The following PDE10A variants were observed in gnomAD, a reference collection of about 807,000 sequenced individuals.
PDE10A encodes phosphodiesterase 10A.
Under a neutral mutation model 97.7 loss-of-function variants are expected in PDE10A, and 39 were observed. The observed-to-expected ratio is 0.40, with a 90% confidence interval of 0.31 to 0.52. The LOEUF (loss-of-function observed/expected upper bound fraction) is 0.52, where lower values mean the gene tolerates loss of function less well. Among genes scored for constraint, PDE10A ranks in the 20% least tolerant of loss-of-function variants. PDE10A has a pLI of 0.56. For missense variants in PDE10A, 731 were observed against 1,047.8 expected (o/e 0.70, Z 4.17); for synonymous variants, 371 against 376.8 (o/e 0.98, Z 0.18).
intron 1 of PDE10A, among the ~76,000 whole-genome samples, chr6:165,641,300 A>G (rs776761331): frequency 6.6e-6 from 1 of 152,264 alleles, no homozygotes; most frequent in Non-Finnish European, 1.5e-5. Flanking sequence ...TTAACTAATT[A>G]TAGCAGCAAA....
chr6:165,847,867 T>C (rs1210611192), intron 1 of PDE10A, among the ~76,000 whole-genome samples: 1 of 152,260 alleles, frequency 6.6e-6, no homozygotes, highest in African/African-American at 2.4e-5. Flanking sequence ...TGAACCTAAA[T>C]GCTGCTTTCA....
At chr6:165,830,299 C>CGCTT (rs1779874490) in intron 1 of PDE10A, among the ~76,000 whole-genome samples, 1 of 152,236 alleles carries the variant, frequency 6.6e-6, no homozygotes. Flanking sequence ...TACCACCCAC[C>CGCTT]GCTTTCCTTT....
chr6:165,797,594 A>G (rs1429061981), intron 1 of PDE10A, among the ~76,000 whole-genome samples: 2 of 152,204 alleles, frequency 1.3e-5, no homozygotes, highest in Non-Finnish European at 2.9e-5. Context: ...TATTGTCTCA[A>G]GAGTATTTGT....
chr6:165,668,805 A>AGGAG (rs1379197899), intron 1 of PDE10A, among the ~76,000 whole-genome samples: 10 of 26,532 alleles, frequency 3.8e-4, no homozygotes, highest in African/African-American at 5.8e-4. Flanking sequence ...GGGGAAGGAA[A>AGGAG]GGAGGGAGGG....
intron 1 of PDE10A, among the ~76,000 whole-genome samples, chr6:165,585,152 T>C (rs1359471051): frequency 2.0e-5 from 3 of 152,178 alleles, no homozygotes; most frequent in Admixed American, 6.5e-5. Context: ...CCAGGAACTT[T>C]TGCATCCTCT....
intron 1 of PDE10A, among the ~76,000 whole-genome samples, chr6:165,929,111 C>T (rs991669985): frequency 6.6e-6 from 1 of 152,150 alleles, no homozygotes; most frequent in Non-Finnish European, 1.5e-5. Flanking sequence ...AAACTCATGG[C>T]CAGGCACACA....
intron 10 of PDE10A, among the ~76,000 whole-genome samples, chr6:165,420,589 G>A (rs1157924773): frequency 1.3e-5 from 2 of 152,144 alleles, no homozygotes; most frequent in Admixed American, 1.3e-4. Context: ...ATCTGTATCT[G>A]CAGTGTTTGA....
At position 165,479,116 on chromosome 6, in the gene PDE10A, C is replaced by G. The variant is rs149467033; in HGVS notation, c.1023+3199G>C. 7.9e-5 allele frequency among the ~76,000 whole-genome samples: 12 copies of G among 152,280 alleles called. No individual in the cohort carries two copies. In the East Asian group the frequency reaches 2.3e-3, roughly 29 times the overall value. On this transcript the variant is annotated intron_variant, in intron 3 of 21. Coordinates refer to ENST00000539869, the MANE Select transcript of PDE10A (RefSeq NM_001385079.1). ...TTGTCAAAATCAGCTTCTAAGTAGA[C>G]TGTAACAGGTCTTGGATACTTTTTG... is the stretch of plus-strand genomic sequence containing the variant.
chr6:165,652,229 G>A (rs1401068816), intron 1 of PDE10A, among the ~76,000 whole-genome samples: 1 of 152,126 alleles, frequency 6.6e-6, no homozygotes, highest in Non-Finnish European at 1.5e-5. Context: ...CATCCAAGAA[G>A]CCATAGTAAC....
intron 1 of PDE10A, among the ~76,000 whole-genome samples, chr6:165,983,991 G>A (rs1266378760): frequency 6.6e-6 from 1 of 152,362 alleles, no homozygotes; most frequent in East Asian, 1.9e-4. Context: ...TCCCGCCACT[G>A]CAGGCATGGG....
In PDE10A at chr6:165,343,436, A is replaced by G. The variant is rs1325719913; in HGVS notation, c.2850T>C (p.Val950=). Residue 950 remains valine, a synonymous_variant, in exon 19 of 22, where the codon GTT becomes GTC. Coordinates refer to ENST00000539869, the MANE Select transcript of PDE10A (RefSeq NM_001385079.1). ...ATATATCATTTGCCGTCAATTTTGT[A>G]ACGGGCCACAGTTTTGTCACAGAAC... ...DLCSVTKLWP[V]TKLTANDIYA... is the part of the protein sequence containing the mutation. 1 of 1,614,052 alleles carries G rather than the reference A, an allele frequency of 6.2e-7. No homozygotes were observed. Among genetic ancestry groups the G allele is most frequent in the South Asian group, 1.1e-5 (1 of 91,084 alleles).
intron 2 of PDE10A, among the ~76,000 whole-genome samples, chr6:165,512,113 G>T (rs1449129978): frequency 6.6e-6 from 1 of 151,522 alleles, no homozygotes; most frequent in African/African-American, 2.4e-5. Flanking sequence ...TTCTCTTATT[G>T]TTTGTCATTG....
intron 18 of PDE10A, among the ~76,000 whole-genome samples, chr6:165,365,023 T>C (rs1300635900): frequency 6.6e-6 from 1 of 151,506 alleles, no homozygotes. Context: ...AAGAAAAAAA[T>C]CCAAAAGTAT....
chr6:165,332,120 A>C lies in PDE10A; in HGVS notation c.*905T>G, dbSNP rs1781375199. 1.3e-5 allele frequency: 2 copies of C among 152,230 alleles called. No homozygotes were observed. Among genetic ancestry groups the C allele is most frequent in the African/African-American group, 4.8e-5 (2 of 41,454 alleles). The allele number at this position is 152,230 out of a possible 1,614,324, so 9.4% of individuals were successfully genotyped here. Reference sequence around the variant, plus strand: ...TAAAATTCTGCAATGACACAAAGTGAAAATATAAAGGAATCATTATGAAAA... The same window carrying C: ...TAAAATTCTGCAATGACACAAAGTGCAAATATAAAGGAATCATTATGAAAA... On this transcript the variant is annotated 3_prime_UTR_variant, in exon 22 of 22. Coordinates refer to ENST00000539869, the MANE Select transcript of PDE10A (RefSeq NM_001385079.1).
chr6:165,438,034 T>C (rs1162906325), intron 5 of PDE10A, among the ~76,000 whole-genome samples: 3 of 152,196 alleles, frequency 2.0e-5, no homozygotes, highest in Admixed American at 6.5e-5. Context: ...AGTTTACACA[T>C]ACTCAGCGCT....
At chr6:165,460,643 G>C (rs1441347969) in intron 3 of PDE10A, among the ~76,000 whole-genome samples, 1 of 152,164 alleles carries the variant, frequency 6.6e-6, no homozygotes, top group East Asian at 1.9e-4. Flanking sequence ...AGTTGGTAAA[G>C]CCCCTGAAAT....
rs534379698 is a variant in PDE10A, at chr6:165,511,871, C to T, written c.995-29528G>A. Among the ~76,000 whole-genome samples, 13 of 152,072 alleles carry T rather than the reference C, an allele frequency of 8.5e-5. No individual in the cohort carries two copies. In the South Asian group the frequency reaches 2.7e-3, roughly 32 times the overall value. On this transcript the variant is annotated intron_variant, in intron 2 of 21. Transcript: ENST00000539869. The stretch of plus-strand genomic sequence containing the variant: ...TTTGGTTTCTATTTGAATTGAATAT[C>T]TTTTTCCATCACTTTAGTTTCACTC...
intron 1 of PDE10A, among the ~76,000 whole-genome samples, chr6:165,652,246 C>CT (rs750786892): frequency 6.6e-6 from 1 of 152,084 alleles, no homozygotes; most frequent in Admixed American, 6.6e-5. Flanking sequence ...TAACTAAGCT[C>CT]TTTTTTGTTG....
intron 1 of PDE10A, among the ~76,000 whole-genome samples, chr6:165,777,214 G>A (rs1215913132): frequency 6.6e-6 from 1 of 152,194 alleles, no homozygotes; most frequent in African/African-American, 2.4e-5. Context: ...CAGTCACCTG[G>A]ATGGAAAGTG....
Sources: allele counts gnomAD v4.1 joint callset (sites outside exome capture counted in the v4.1 genomes callset), GRCh38; gene constraint gnomAD v4.1.1; transcripts MANE v1.5; gene names NCBI Gene and HGNC (gene_info 2026-07-23, HGNC 2026-07-21).